The following PCDH15 variants were observed in gnomAD, a reference collection of about 807,000 sequenced individuals.
PCDH15 encodes protocadherin-15.
Under a neutral mutation model 178.5 loss-of-function variants are expected in PCDH15, and 129 were observed. The ratio of observed to expected loss-of-function variants is 0.72; its 90% CI spans 0.63 to 0.84. The LOEUF is 0.84. PCDH15 is among the 40% of genes least tolerant of loss of function. The pLI, the probability that PCDH15 is intolerant of heterozygous loss-of-function variation, is 0.00. For synonymous variants in PCDH15, 800 were observed against 732.0 expected (o/e 1.09, Z -1.50); for missense variants, 2,230 against 2,099.9 (o/e 1.06, Z -1.21).
chr10:54,189,389 A>G, intron 11 of PCDH15: 2 of 1,539,510 alleles, frequency 1.3e-6, no homozygotes, highest in Non-Finnish European at 8.8e-7. Flanking sequence ...TGGAACCTAT[A>G]CGCAAATTAA....
At chr10:54,014,683 C>T (rs182740970) in intron 20 of PCDH15, among the ~76,000 whole-genome samples, 1 of 152,202 alleles carries the variant, frequency 6.6e-6, no homozygotes, top group East Asian at 1.9e-4. Flanking sequence ...TCACTAGATG[C>T]AGAAAAGGAT....
chr10:54,825,872 T>C (rs1953122995), intron 3 of PCDH15, among the ~76,000 whole-genome samples: 1 of 152,134 alleles, frequency 6.6e-6, no homozygotes, highest in African/African-American at 2.4e-5. Flanking sequence ...CGATCCATAG[T>C]GCACTTAAAC....
chr10:54,996,786 CT>C (rs1839654846), intron 2 of PCDH15, among the ~76,000 whole-genome samples: 1 of 151,976 alleles, frequency 6.6e-6, no homozygotes, highest in Non-Finnish European at 1.5e-5. Flanking sequence ...CCCGAGTGTT[CT>C]TTGGAGTCTG....
chr10:53,907,289 A>G (rs954246128), intron 25 of PCDH15: 1 of 152,134 alleles, frequency 6.6e-6, no homozygotes, highest in African/African-American at 2.4e-5. Flanking sequence ...CTTTTTTTCC[A>G]TGTTGTATCC....
intron 2 of PCDH15, among the ~76,000 whole-genome samples, chr10:55,349,566 C>T (rs192247001): frequency 8.6e-4 from 131 of 152,006 alleles, no homozygotes; most frequent in Non-Finnish European, 1.6e-3. Context: ...TACCTCTTCT[C>T]ACAGCACATA....
chr10:53,921,984 T>A (rs1041235070), intron 25 of PCDH15, among the ~76,000 whole-genome samples: 18 of 152,350 alleles, frequency 1.2e-4, no homozygotes, highest in African/African-American at 4.3e-4. Context: ...TTTAATCAAG[T>A]ATTAAATTTT....
rs558888064 is a variant in PCDH15 at position 55,119,584 on chromosome 10, TG to T, written c.-80+46991del. On this transcript the variant is annotated intron_variant, in intron 2 of 5. Coordinates refer to the PCDH15 transcript ENST00000458638. ...CCATATTGCATCTGCTGACTCTTGC[TG>T]TTTTCCATTTTGAACTTCTTCCTCT... Among the ~76,000 whole-genome samples the T allele has an allele frequency of 2.9e-4, 44 of 152,230 alleles. 2 individuals are homozygous for T. Among genetic ancestry groups the T allele is most frequent in the Admixed American group, 2.2e-3 (34 of 15,290 alleles).
chr10:54,320,106 C>A (rs549617477), intron 7 of PCDH15, among the ~76,000 whole-genome samples: 1 of 152,050 alleles, frequency 6.6e-6, no homozygotes, highest in African/African-American at 2.4e-5. Flanking sequence ...ATTATTCAAA[C>A]CTAAAGACAT....
intron 2 of PCDH15, among the ~76,000 whole-genome samples, chr10:55,603,408 T>A (rs936621326): frequency 2.6e-5 from 4 of 151,448 alleles, no homozygotes; most frequent in African/African-American, 9.7e-5. Context: ...ACAAAGATAC[T>A]CCTGGAGAAG....
At chr10:55,004,362 G>A (rs1839871864) in intron 2 of PCDH15, among the ~76,000 whole-genome samples, 1 of 152,060 alleles carries the variant, frequency 6.6e-6, no homozygotes, top group South Asian at 2.1e-4. Flanking sequence ...TTGTTTCATA[G>A]AACTGATGTT....
intron 2 of PCDH15, among the ~76,000 whole-genome samples, chr10:54,641,656 A>C (rs1279748178): frequency 6.6e-6 from 1 of 151,628 alleles, no homozygotes; most frequent in Non-Finnish European, 1.5e-5. Flanking sequence ...CTATTTTTCA[A>C]TCTCTTCACT....
At chr10:55,360,882 C>T in intron 2 of PCDH15, among the ~76,000 whole-genome samples, 1 of 151,942 alleles carries the variant, frequency 6.6e-6, no homozygotes, top group African/African-American at 2.4e-5. Flanking sequence ...AAAAGATAAG[C>T]ATGAGAATGT....
chr10:53,995,454 T>G, intron 21 of PCDH15, 195 bp downstream of exon 21: 1 of 916,806 alleles, frequency 1.1e-6, no homozygotes, highest in Non-Finnish European at 1.6e-6. Context: ...GCATATTCTT[T>G]GTCTAGGTTC....
chr10:54,299,133 C>G (rs1480707866), intron 8 of PCDH15, among the ~76,000 whole-genome samples: 1 of 150,978 alleles, frequency 6.6e-6, no homozygotes. Flanking sequence ...AGGGAAAGAC[C>G]AGCAGAAAGG....
intron 2 of PCDH15, among the ~76,000 whole-genome samples, chr10:54,639,849 A>T (rs74136236): frequency 2.1e-3 from 317 of 152,300 alleles, no homozygotes; most frequent in African/African-American, 7.4e-3. Flanking sequence ...AACTATCACT[A>T]TTTAACAAAA....
At chr10:54,797,451 G>A (rs554100715) in intron 1 of PCDH15, among the ~76,000 whole-genome samples, 1 of 151,474 alleles carries the variant, frequency 6.6e-6, no homozygotes, top group East Asian at 2.0e-4. Context: ...GTCCATTACA[G>A]TGCTCAGAAA....
chr10:55,297,976 G>A lies in PCDH15; in HGVS notation c.-156+21623C>T, dbSNP rs186023430. Among the ~76,000 whole-genome samples, 61 of 152,122 alleles carry A rather than the reference G, an allele frequency of 4.0e-4. 1 individual carries two copies. The highest frequency in any genetic ancestry group is 2.4e-3 in the Admixed American group (37 of 15,262). Reference sequence around the variant, plus strand: ...AAAGCCCTCCACAATACTAACATTTGGGAGAGGAGATGGAGTGGCTCTTAA... The same window carrying A: ...AAAGCCCTCCACAATACTAACATTTAGGAGAGGAGATGGAGTGGCTCTTAA... On this transcript the variant is annotated intron_variant, in intron 1 of 5. Coordinates refer to the PCDH15 transcript ENST00000458638.
At chr10:54,692,686 A>G (rs2095143664) in intron 1 of PCDH15, among the ~76,000 whole-genome samples, 1 of 152,252 alleles carries the variant, frequency 6.6e-6, no homozygotes, top group African/African-American at 2.4e-5. Context: ...TAAACTTAAA[A>G]GCGAATAACT....
intron 25 of PCDH15, among the ~76,000 whole-genome samples, chr10:53,934,901 T>G (rs532674818): frequency 1.3e-5 from 2 of 150,850 alleles, no homozygotes; most frequent in Admixed American, 6.6e-5. Flanking sequence ...TAAGAACTTG[T>G]GGCCAGTAAC....
Sources: allele counts gnomAD v4.1 joint callset (sites outside exome capture counted in the v4.1 genomes callset), GRCh38; gene constraint gnomAD v4.1.1; transcripts MANE v1.5; gene names NCBI Gene and HGNC (gene_info 2026-07-23, HGNC 2026-07-21).